PCDHGA8: variants seen among roughly 807,000 people sequenced by gnomAD.
PCDHGA8 encodes the protein protocadherin gamma subfamily A, 8.
In PCDHGA8, 45 loss-of-function variants were observed where a neutral mutation model predicts 59.2. The observed-to-expected ratio is 0.76, with a 90% CI of 0.60 to 0.98. The LOEUF (loss-of-function observed/expected upper bound fraction) is 0.98, where lower values mean the gene tolerates loss of function less well. Among genes scored for constraint, PCDHGA8 ranks in the 50% least tolerant of loss-of-function variants. PCDHGA8 has a pLI of 0.00. For synonymous variants in PCDHGA8, 531 were observed against 519.0 expected (o/e 1.02, Z -0.32); for missense variants, 1,257 against 1,196.2 (o/e 1.05, Z -0.75).
chr5:141,478,461 T>C, intron 1 of PCDHGA8: 1 of 1,613,254 alleles, frequency 6.2e-7, no homozygotes, highest in East Asian at 2.2e-5. Flanking sequence ...GCCAGTCCAC[T>C]GGCCAGCCGC....
intron 1 of PCDHGA8, among the ~76,000 whole-genome samples, chr5:141,425,382 G>A (rs1455106607): frequency 1.3e-5 from 2 of 152,208 alleles, no homozygotes; most frequent in African/African-American, 4.8e-5. Context: ...TTGATTCGGA[G>A]GTAGTGATAA....
rs996153387 is a variant in PCDHGA8, at chr5:141,491,985, G to A, written c.2425-2822G>A. 24 of 743,298 alleles carry A rather than the reference G, an allele frequency of 3.2e-5. No homozygotes were observed. Among genetic ancestry groups the A allele is most frequent in the Non-Finnish European group, 4.5e-5 (22 of 494,254 alleles). 46.0% of individuals were successfully genotyped at this position (743,298 alleles called of 1,614,324 possible). On this transcript the variant is annotated intron_variant, in intron 1 of 3. Transcript: ENST00000398604. The surrounding 1 kb of genome is among the most constrained non-coding windows in gnomAD (Gnocchi z 6.9). ...AGGCCGGGGCCTCCTTCGAGCTTCC[G>A]GTGAATTTCGGGCGATTTCCGCGGG...
chr5:141,400,439 C>T, intron 1 of PCDHGA8: 1 of 1,614,056 alleles, frequency 6.2e-7, no homozygotes. Context: ...CAATTGAGTT[C>T]AGGACAAGAC....
chr5:141,419,085 C>T (rs759272094), intron 1 of PCDHGA8: 1 of 1,613,936 alleles, frequency 6.2e-7, no homozygotes, highest in Non-Finnish European at 8.5e-7. Flanking sequence ...ACAGATGAGG[C>T]CCTGGATCGG....
chr5:141,496,663 G>A (rs2099770279), intron 2 of PCDHGA8, among the ~76,000 whole-genome samples: 1 of 152,196 alleles, frequency 6.6e-6, no homozygotes, highest in Admixed American at 6.5e-5. Context: ...GACCCCAGCT[G>A]TTGTCCTTCT....
At chr5:141,414,899 G>T (rs756810046) in intron 1 of PCDHGA8, 1 of 1,614,182 alleles carries the variant, frequency 6.2e-7, no homozygotes, top group Non-Finnish European at 8.5e-7. Context: ...CCCACAGACG[G>T]TTCCACAGGC....
At chr5:141,430,100 C>T (rs6874907) in intron 1 of PCDHGA8, among the ~76,000 whole-genome samples, 7,606 of 152,160 alleles carry the variant, frequency 0.05, 372 homozygotes, top group African/African-American at 0.13. Context: ...GATTTTTAAG[C>T]GTTACATGTC....
At chr5:141,410,182 T>G in intron 1 of PCDHGA8, 1 of 1,613,868 alleles carries the variant, frequency 6.2e-7, no homozygotes, top group Non-Finnish European at 8.5e-7. Flanking sequence ...CCGCCACGCT[T>G]CATCTGGTCT....
At chr5:141,408,473 G>A (rs2095117243) in intron 1 of PCDHGA8, 5 of 1,613,952 alleles carry the variant, frequency 3.1e-6, no homozygotes, top group African/African-American at 1.3e-5. Flanking sequence ...GAACCGAATA[G>A]ACCGTGAGCA....
chr5:141,419,701 C>T (rs1268060859), intron 1 of PCDHGA8: 7 of 1,612,860 alleles, frequency 4.3e-6, no homozygotes, highest in Non-Finnish European at 5.9e-6. Flanking sequence ...CCAGTGAGCC[C>T]GGGCTCTTCA....
chr5:141,426,465 T>C, intron 1 of PCDHGA8: 1 of 315,366 alleles, frequency 3.2e-6, no homozygotes, highest in African/African-American at 2.2e-5. Context: ...ATGTTCAGGA[T>C]TTATTGACCT....
chr5:141,423,759 G>GGC, intron 1 of PCDHGA8: 9 of 321,042 alleles, frequency 2.8e-5, no homozygotes, highest in Non-Finnish European at 3.6e-5. Context: ...TTGGGGGGGG[G>GGC]GTGGGGCGGC....
intron 1 of PCDHGA8, chr5:141,413,151 T>G (rs1192899612): frequency 6.4e-7 from 1 of 1,573,560 alleles, no homozygotes; most frequent in Non-Finnish European, 8.6e-7. Context: ...GTGAGGACTT[T>G]GCAGAATTCT....
chr5:141,476,864 C>T lies in PCDHGA8; in HGVS notation c.2425-17943C>T, dbSNP rs1318457627. ...GCCTGTCTTCAACCAGTCCTTGTAC[C>T]GGGCGCGCGTCCTGGAGGATGCACC... is the stretch of plus-strand genomic sequence containing the variant. On this transcript the variant is annotated intron_variant, in intron 1 of 3. Coordinates refer to ENST00000398604, the MANE Select transcript of PCDHGA8 (RefSeq NM_032088.2). This position sits in a 1 kb window ranked among gnomAD's most constrained non-coding sequence, Gnocchi z 7.6. 4.3e-6 allele frequency: 7 copies of T among 1,613,838 alleles called. No homozygotes were observed. Among genetic ancestry groups the T allele is most frequent in the Non-Finnish European group, 5.9e-6 (7 of 1,180,044 alleles).
chr5:141,418,294 C>G, intron 1 of PCDHGA8: 1 of 1,613,988 alleles, frequency 6.2e-7, no homozygotes. Flanking sequence ...TCAGTGAATC[C>G]GTCAGCCTGG....
At chr5:141,467,214 G>A (rs1333148694) in intron 1 of PCDHGA8, among the ~76,000 whole-genome samples, 1 of 151,856 alleles carries the variant, frequency 6.6e-6, no homozygotes, top group Admixed American at 6.6e-5. Context: ...CACCATGCCT[G>A]GCTAATTTTT....
At chr5:141,421,813 G>A in intron 1 of PCDHGA8, 1 of 1,613,838 alleles carries the variant, frequency 6.2e-7, no homozygotes, top group Non-Finnish European at 8.5e-7. Flanking sequence ...TCCAGAGCTA[G>A]TACTGGAGGG....
At chr5:141,464,411 A>G (rs1029342220) in intron 1 of PCDHGA8, among the ~76,000 whole-genome samples, 3 of 151,624 alleles carry the variant, frequency 2.0e-5, no homozygotes, top group Admixed American at 6.6e-5. Flanking sequence ...AGATATATAT[A>G]TATCTATATA....
chr5:141,439,410 A>T (rs2098110832), intron 1 of PCDHGA8, among the ~76,000 whole-genome samples: 1 of 152,220 alleles, frequency 6.6e-6, no homozygotes, highest in African/African-American at 2.4e-5. Context: ...TGCTAACATC[A>T]CTGAGGTTAT....
Sources: gnomAD v4.1 joint callset for allele counts (sites outside exome capture counted in the v4.1 genomes callset) on GRCh38, gnomAD v4.1.1 for gene constraint, Gnocchi (gnomAD v3.1) non-coding constraint, MANE v1.5 for transcripts, NCBI Gene and HGNC (gene_info 2026-07-23, HGNC 2026-07-21) for gene names.